The following PCDHB14 variants were observed in gnomAD, a reference collection of about 807,000 sequenced individuals.
The protein encoded by PCDHB14 is protocadherin beta 14, also known as protocadherin beta-14.
For missense variants in PCDHB14, 1,129 were observed against 1,000.5 expected (o/e 1.13, Z -1.73); for synonymous variants, 511 against 441.5 (o/e 1.16, Z -1.97).
In PCDHB14 at chr5:141,225,668, G is replaced by C. The variant is rs782809132; in HGVS notation, c.2163G>C (p.Ser721=). ...TGTGCAGGAGGAGCAGGGCGGCCTC[G>C]GTGGGTCGCTGCTCGGTGCCCGAGG... ...VRLCRRSRAA[S]VGRCSVPEGP... Residue 721 remains serine, a synonymous_variant, in exon 1 of 1, where the codon TCG becomes TCC. Coordinates refer to ENST00000239449, the MANE Select transcript of PCDHB14 (RefSeq NM_018934.4). The C allele has an allele frequency of 6.2e-7, 1 of 1,613,834 alleles. No individual in the cohort carries two copies. The highest frequency in any genetic ancestry group is 8.5e-7 in the Non-Finnish European group (1 of 1,180,042).
Position 141,225,668 on chromosome 5 carries a change from G to A in PCDHB14, c.2163G>A (p.Ser721=), listed in dbSNP as rs782809132. Residue 721 remains serine, a synonymous_variant, in exon 1 of 1, where the codon TCG becomes TCA. Coordinates refer to ENST00000239449, the MANE Select transcript of PCDHB14 (RefSeq NM_018934.4). ...VRLCRRSRAA[S]VGRCSVPEGP... ...TGTGCAGGAGGAGCAGGGCGGCCTCGGTGGGTCGCTGCTCGGTGCCCGAGG... is the reference window on the plus strand; with the variant it reads ...TGTGCAGGAGGAGCAGGGCGGCCTCAGTGGGTCGCTGCTCGGTGCCCGAGG... 1.1e-5 allele frequency: 17 copies of A among 1,613,952 alleles called. No homozygotes were observed. Among genetic ancestry groups the A allele is most frequent in the Non-Finnish European group, 1.4e-5 (16 of 1,180,034 alleles).
rs782241595 is a variant in PCDHB14, at chr5:141,225,391, T to A, written c.1886T>A (p.Leu629Gln). The change falls in exon 1 of 1, where the codon CTG (leucine) becomes CAG (glutamine). Residue 629 changes from leucine to glutamine, a missense_variant. Coordinates refer to ENST00000239449, the MANE Select transcript of PCDHB14 (RefSeq NM_018934.4). Reference protein sequence around the residue: ...AHNGEVRTARLLSERDAAKHR... With the variant: ...AHNGEVRTARQLSERDAAKHR... ...AATGGCGAGGTGCGCACCGCCAGGC[T>A]GCTGAGCGAGCGCGACGCGGCCAAG... 6 of 1,604,202 alleles carry A rather than the reference T, an allele frequency of 3.7e-6. No homozygotes were observed. The African/African-American group carries it at 8.0e-5, about 21-fold the overall frequency.
rs371730182 is a variant in PCDHB14 at position 141,225,567 on chromosome 5, G to A, written c.2062G>A (p.Val688Ile). Residue 688 changes from valine to isoleucine, a missense_variant, in exon 1 of 1, where the codon GTC becomes ATC. Physicochemically the swap from Val to Ile is conservative, Grantham distance 29. Transcript: ENST00000239449. ...PAQAQADSLT[V>I]YLVVALASVS... Reference sequence around the variant, plus strand: ...CCAGGCCCAGGCCGACTCCCTCACCGTCTACCTGGTGGTGGCATTGGCCTC... The same window carrying A: ...CCAGGCCCAGGCCGACTCCCTCACCATCTACCTGGTGGTGGCATTGGCCTC... 1.1e-5 allele frequency: 18 copies of A among 1,610,970 alleles called. No homozygotes were observed. The African/African-American group carries it at 2.1e-4, about 19-fold the overall frequency.
At position 141,225,676 on chromosome 5, in the gene PCDHB14, G is replaced by A. The variant is rs142658705; in HGVS notation, c.2171G>A (p.Arg724His). 3.7e-6 allele frequency: 6 copies of A among 1,613,886 alleles called. No homozygotes were observed. In the South Asian group the frequency reaches 5.5e-5, roughly 15 times the overall value. ...CRRSRAASVG[R>H]CSVPEGPFPG... ...AGGAGCAGGGCGGCCTCGGTGGGTCGCTGCTCGGTGCCCGAGGGTCCCTTT... is the reference window on the plus strand; with the variant it reads ...AGGAGCAGGGCGGCCTCGGTGGGTCACTGCTCGGTGCCCGAGGGTCCCTTT... The change falls in exon 1 of 1, where the codon CGC becomes CAC. Residue 724 changes from arginine to histidine, a missense_variant. Physicochemically the swap from Arg to His is conservative, Grantham distance 29. Coordinates refer to ENST00000239449, the MANE Select transcript of PCDHB14 (RefSeq NM_018934.4).
In PCDHB14 at chr5:141,225,124, C is replaced by T; in HGVS notation, c.1619C>T (p.Ala540Val). The T allele has an allele frequency of 6.2e-7, 1 of 1,611,880 alleles. No homozygotes were observed. The highest frequency in any genetic ancestry group is 8.5e-7 in the Non-Finnish European group (1 of 1,179,808). ...RVGATDRGSPALSSEALVRVL... is the reference protein window; with the variant it reads ...RVGATDRGSPVLSSEALVRVL... ...GGCGCCACAGACCGCGGGTCCCCGG[C>T]GTTGAGCAGCGAGGCGCTGGTGCGC... The change falls in exon 1 of 1, where the codon GCG becomes GTG. Residue 540 changes from alanine (A) to valine (V), a missense_variant. Transcript: ENST00000239449.
chr5:141,225,671 G>C lies in PCDHB14; in HGVS notation c.2166G>C (p.Val722=). 1 of 1,613,994 alleles carries C rather than the reference G, an allele frequency of 6.2e-7. No individual in the cohort carries two copies. Among genetic ancestry groups the C allele is most frequent in the Non-Finnish European group, 8.5e-7 (1 of 1,180,042 alleles). The change falls in exon 1 of 1, where the codon GTG becomes GTC. Residue 722 remains valine, a synonymous_variant. Transcript: ENST00000239449. The stretch of plus-strand genomic sequence containing the variant: ...GCAGGAGGAGCAGGGCGGCCTCGGT[G>C]GGTCGCTGCTCGGTGCCCGAGGGTC... ...RLCRRSRAAS[V]GRCSVPEGPF...
Position 141,225,770 on chromosome 5 carries a change from G to A in PCDHB14, c.2265G>A (p.Leu755=), listed in dbSNP as rs1485094325. 1 of 1,614,116 alleles carries A rather than the reference G, an allele frequency of 6.2e-7. No homozygotes were observed. Among genetic ancestry groups the A allele is most frequent in the African/African-American group, 1.3e-5 (1 of 74,950 alleles). The change falls in exon 1 of 1, where the codon CTG becomes CTA. Residue 755 remains leucine, a synonymous_variant. Coordinates refer to ENST00000239449, the MANE Select transcript of PCDHB14 (RefSeq NM_018934.4). ...AGAGCTACCAATACGAGGTGTGTCT[G>A]ACAGGAGGTTCCGGGACAAATGAGT... ...LSQSYQYEVC[L]TGGSGTNEFK...
Position 141,223,351 on chromosome 5 carries a change from T to C in PCDHB14, c.-155T>C, listed in dbSNP as rs1177310507. The C allele has an allele frequency of 3.6e-5, 22 of 610,458 alleles. No homozygotes were observed. Among genetic ancestry groups the C allele is most frequent in the Non-Finnish European group, 6.0e-5 (21 of 347,740 alleles). The allele number at this position is 610,458 out of a possible 1,614,324, so 37.8% of individuals were successfully genotyped here. A position where few individuals can be genotyped will look rare whatever the true frequency, so the allele number is the denominator to read the frequency against. On this transcript the variant is annotated 5_prime_UTR_variant, in exon 1 of 1. Coordinates refer to ENST00000239449, the MANE Select transcript of PCDHB14 (RefSeq NM_018934.4). ...TCGCTATTCAGGAGAACAGAAAGCA[T>C]CCAACCCACTGAAAAGACAGGCATT...
rs1366853217 is a variant in PCDHB14, at chr5:141,224,834, C to T, written c.1329C>T (p.Asp443=). 1 of 1,613,888 alleles carries T rather than the reference C, an allele frequency of 6.2e-7. No individual in the cohort carries two copies. The highest frequency in any genetic ancestry group is 1.3e-5 in the African/African-American group (1 of 74,902). The change falls in exon 1 of 1, where the codon GAC becomes GAT. Residue 443 remains aspartate, a synonymous_variant. Transcript: ENST00000239449. ...ACAACATAACCGTGCTGCTCTCTGA[C>T]GTCAATGACAACGCCCCCACCTTCA... ...TEYNITVLLS[D]VNDNAPTFTQ...
rs1377445446 is a variant in PCDHB14, at chr5:141,225,362, G to T, written c.1857G>T (p.Ala619=). ...ATEPGLFGVW[A]HNGEVRTARL... ...AGCCCGGGCTGTTCGGCGTGTGGGCGCACAATGGCGAGGTGCGCACCGCCA... is the reference window on the plus strand; with the variant it reads ...AGCCCGGGCTGTTCGGCGTGTGGGCTCACAATGGCGAGGTGCGCACCGCCA... Residue 619 remains alanine (A), a synonymous_variant, in exon 1 of 1, where the codon GCG becomes GCT. Transcript: ENST00000239449. The T allele has an allele frequency of 6.2e-7, 1 of 1,603,298 alleles. No homozygotes were observed. The highest frequency in any genetic ancestry group is 8.5e-7 in the Non-Finnish European group (1 of 1,179,278).
chr5:141,225,488 C>G lies in PCDHB14; in HGVS notation c.1983C>G (p.Leu661=), dbSNP rs781943002. The change falls in exon 1 of 1, where the codon CTC becomes CTG. Residue 661 remains leucine, a synonymous_variant. Coordinates refer to ENST00000239449, the MANE Select transcript of PCDHB14 (RefSeq NM_018934.4). ...CGGCCACCGCCACGCTGCACGTGCT[C>G]CTGGTGGACGGCTTCTCCCAGCCCT... The part of the protein sequence containing the change: ...PRSATATLHV[L]LVDGFSQPYL... The G allele has an allele frequency of 3.7e-6, 6 of 1,606,312 alleles. 1 individual carries two copies. The African/African-American group carries it at 8.0e-5, about 21-fold the overall frequency.
At position 141,224,364 on chromosome 5, in the gene PCDHB14, G is replaced by C; in HGVS notation, c.859G>C (p.Asp287His). 6.2e-7 allele frequency: 1 copy of C among 1,606,768 alleles called. No homozygotes were observed. Residue 287 changes from aspartate (D) to histidine (H), a missense_variant, in exon 1 of 1, where the codon GAT becomes CAT. Transcript: ENST00000239449. ...TTACACATTTTTCCATGCATCAGAA[G>C]ATATTCGTAAAACATTTGAAATTAA... ...ISYTFFHASE[D>H]IRKTFEINPI... is the part of the protein sequence containing the mutation.
chr5:141,225,650 G>A lies in PCDHB14; in HGVS notation c.2145G>A (p.Arg715=), dbSNP rs201398862. The change falls in exon 1 of 1, where the codon AGG becomes AGA. Residue 715 remains arginine (R), a synonymous_variant. Transcript: ENST00000239449. ...VLLFVAVRLC[R]RSRAASVGRC... The stretch of plus-strand genomic sequence containing the variant: ...TGTTCGTGGCGGTGCGGCTGTGCAG[G>A]AGGAGCAGGGCGGCCTCGGTGGGTC... The A allele has an allele frequency of 9.4e-5, 151 of 1,613,630 alleles. No individual in the cohort carries two copies. The highest frequency in any genetic ancestry group is 4.2e-4 in the East Asian group (19 of 44,860).
chr5:141,223,890 C>G lies in PCDHB14; in HGVS notation c.385C>G (p.His129Asp). The change falls in exon 1 of 1, where the codon CAC (histidine) becomes GAC (aspartate). Residue 129 changes from histidine to aspartate, a missense_variant. Coordinates refer to ENST00000239449, the MANE Select transcript of PCDHB14 (RefSeq NM_018934.4). ...GCTGTGTGTCAAAGACATAAATGAT[C>G]ACTCCCCTACATTTCTAGACAAGGA... Reference protein sequence around the residue: ...FELCVKDINDHSPTFLDKEIL... With the variant: ...FELCVKDINDDSPTFLDKEIL... The G allele has an allele frequency of 6.2e-7, 1 of 1,613,104 alleles. No homozygotes were observed. Among genetic ancestry groups the G allele is most frequent in the Non-Finnish European group, 8.5e-7 (1 of 1,179,666 alleles).
rs1460534466 is a variant in PCDHB14 at position 141,225,955 on chromosome 5, A to G, written c.*53A>G. 5 of 1,467,866 alleles carry G rather than the reference A, an allele frequency of 3.4e-6. No homozygotes were observed. The East Asian group carries it at 9.1e-5, about 27-fold the overall frequency. The allele number at this position is 1,467,866 out of a possible 1,614,324, so 90.9% of individuals were successfully genotyped here. On this transcript the variant is annotated 3_prime_UTR_variant, in exon 1 of 1. Transcript: ENST00000239449. ...TGGTTATTCTTGGCAAGCTGATGGT[A>G]CTTTTTGCATAATCTTTTGTGGATT...
rs555911901 is a variant in PCDHB14, at chr5:141,225,350, C to T, written c.1845C>T (p.Phe615=). The change falls in exon 1 of 1, where the codon TTC becomes TTT. Residue 615 remains phenylalanine (F), a synonymous_variant. Transcript: ENST00000239449. ...TCAAGGCCACGGAGCCCGGGCTGTTCGGCGTGTGGGCGCACAATGGCGAGG... is the reference window on the plus strand; with the variant it reads ...TCAAGGCCACGGAGCCCGGGCTGTTTGGCGTGTGGGCGCACAATGGCGAGG... ...QLLKATEPGL[F]GVWAHNGEVR... The T allele has an allele frequency of 3.7e-6, 6 of 1,603,270 alleles. No homozygotes were observed. The East Asian group carries it at 1.3e-4, about 36-fold the overall frequency.
In PCDHB14 at chr5:141,224,290, C is replaced by T. The variant is rs140862097; in HGVS notation, c.785C>T (p.Ala262Val). 1 of 1,613,970 alleles carries T rather than the reference C, an allele frequency of 6.2e-7. No individual in the cohort carries two copies. The highest frequency in any genetic ancestry group is 1.3e-5 in the African/African-American group (1 of 75,014). The change falls in exon 1 of 1, where the codon GCC (alanine) becomes GTC (valine). Residue 262 changes from alanine to valine, a missense_variant. Ala to Val is a moderately conservative substitution (Grantham distance 64). Transcript: ENST00000239449. ...PEDRPLGSWI[A>V]TISAKDLDAG... ...GACAGACCCCTTGGCTCCTGGATTG[C>T]CACCATCTCAGCTAAGGATCTGGAT...
At position 141,223,891 on chromosome 5, in the gene PCDHB14, AC is replaced by A; in HGVS notation, c.387del (p.Ser130ProfsTer5). 6.2e-7 allele frequency: 1 copy of A among 1,612,952 alleles called. No homozygotes were observed. The highest frequency in any genetic ancestry group is 8.5e-7 in the Non-Finnish European group (1 of 1,179,666). ...FELCVKDIND[H>X]SPTFLDKEIL... ...CTGTGTGTCAAAGACATAAATGATC[AC>A]TCCCCTACATTTCTAGACAAGGAAA... On this transcript the variant is annotated frameshift_variant, in exon 1 of 1. Transcript: ENST00000239449. LOFTEE classifies it low-confidence loss of function (END_TRUNC).
At position 141,227,124 on chromosome 5, in the gene PCDHB14, G is replaced by C. The variant is rs80185276; in HGVS notation, c.*1222G>C. ...TAGGATTACAGGCATGAGCCATTACGTCTGGCCTAGTTTTCTTTAAATACA... is the reference window on the plus strand; with the variant it reads ...TAGGATTACAGGCATGAGCCATTACCTCTGGCCTAGTTTTCTTTAAATACA... On this transcript the variant is annotated 3_prime_UTR_variant, in exon 1 of 1. Transcript: ENST00000239449. The C allele has an allele frequency of 6.6e-6, 1 of 152,184 alleles. No individual in the cohort carries two copies. Among genetic ancestry groups the C allele is most frequent in the African/African-American group, 2.4e-5 (1 of 41,430 alleles). The allele number at this position is 152,184 out of a possible 1,614,324, so 9.4% of individuals were successfully genotyped here.
Sources: allele counts gnomAD v4.1 joint callset, GRCh38; gene constraint gnomAD v4.1.1; transcripts MANE v1.5; gene names NCBI Gene and HGNC (gene_info 2026-07-23, HGNC 2026-07-21).